TBC1D24: variants seen among roughly 807,000 people sequenced by gnomAD.
TBC1D24 encodes Infantile myoclonic epilepsy.
A neutral mutation model predicts 50.7 loss-of-function variants in TBC1D24; 47 were observed. The observed-to-expected ratio is 0.93, with a 90% CI of 0.73 to 1.18. The LOEUF is 1.18. Ranked by LOEUF, TBC1D24 falls within the 50% of genes most tolerant of loss-of-function variation. The pLI is 0.00. For missense variants in TBC1D24, 688 were observed against 766.5 expected (o/e 0.90, Z 1.21); for synonymous variants, 324 against 335.2 (o/e 0.97, Z 0.36).
At chr16:2,497,250 A>G in intron 2 of TBC1D24, 137 bp downstream of exon 2, 1 of 1,182,004 alleles carries the variant, frequency 8.5e-7, no homozygotes, top group Non-Finnish European at 1.2e-6. Flanking sequence ...ATGGCTGAAA[A>G]GACACTGAAA....
In TBC1D24 at chr16:2,496,446, C is replaced by T. The variant is rs1314068811; in HGVS notation, c.298C>T (p.Gln100Ter). 2 of 1,612,474 alleles carry T rather than the reference C, an allele frequency of 1.2e-6. No individual in the cohort carries two copies. Among genetic ancestry groups the T allele is most frequent in the Non-Finnish European group, 1.7e-6 (2 of 1,179,974 alleles). The change falls in exon 2 of 8, where the codon CAG becomes TAG. Residue 100 changes from glutamine to a stop codon, truncating the protein, a stop_gained. Coordinates refer to ENST00000646147, the MANE Select transcript of TBC1D24 (RefSeq NM_001199107.2). LOFTEE classifies it high-confidence loss of function. ...LPLPEFVDNT[Q>*]VPSYCLNARG... ...GCTGCCCGAGTTCGTGGACAACACG[C>T]AGGTGCCCAGCTACTGCCTGAATGC...
Position 2,503,533 on chromosome 16 carries a change from A to G in TBC1D24, c.*2575A>G, listed in dbSNP as rs1455815042. 1 of 149,476 alleles carries G rather than the reference A, an allele frequency of 6.7e-6. No homozygotes were observed. Among genetic ancestry groups the G allele is most frequent in the Non-Finnish European group, 1.5e-5 (1 of 67,534 alleles). The allele number at this position is 149,476 out of a possible 1,614,324, so 9.3% of individuals were successfully genotyped here. On this transcript the variant is annotated 3_prime_UTR_variant, in exon 8 of 8. Coordinates refer to ENST00000646147, the MANE Select transcript of TBC1D24 (RefSeq NM_001199107.2). ...TGTTGAAACTGCATAATAAATTATC[A>G]TTTGTTTTTAGAAACATTCAAAGAA...
rs2065618779 is a variant in TBC1D24 at position 2,482,698 on chromosome 16, G to T, written c.-116+7528G>T. 6.6e-6 allele frequency among the ~76,000 whole-genome samples: 1 copy of T among 152,196 alleles called. No individual in the cohort carries two copies. The highest frequency in any genetic ancestry group is 1.5e-5 in the Non-Finnish European group (1 of 68,034). ...TGGAGTCACATGGAGTGTGAATGTTGTGACTGTACCGGAGACACCTGGGAA... is the reference window on the plus strand; with the variant it reads ...TGGAGTCACATGGAGTGTGAATGTTTTGACTGTACCGGAGACACCTGGGAA... On this transcript the variant is annotated intron_variant, in intron 1 of 7. Transcript: ENST00000646147. The surrounding 1 kb of genome is among the most constrained non-coding windows in gnomAD (Gnocchi z 5.2).
intron 1 of TBC1D24, chr16:2,481,926 A>G (rs922231924): frequency 6.6e-6 from 1 of 152,244 alleles, no homozygotes; most frequent in African/African-American, 2.4e-5. Flanking sequence ...TGTGCCCTCC[A>G]TTGTGTGCCT....
intron 1 of TBC1D24, among the ~76,000 whole-genome samples, chr16:2,495,356 C>T (rs1270115542): frequency 6.6e-6 from 1 of 152,074 alleles, no homozygotes; most frequent in African/African-American, 2.4e-5. Context: ...TCAAACAAAA[C>T]AAAACAAGGC....
Position 2,500,285 on chromosome 16 carries a change from G to A in TBC1D24, c.1320G>A (p.Gln440=), listed in dbSNP as rs2065780492. The A allele has an allele frequency of 6.2e-7, 1 of 1,607,408 alleles. No homozygotes were observed. The highest frequency in any genetic ancestry group is 1.1e-5 in the South Asian group (1 of 89,728). The change falls in exon 7 of 8, where the codon CAG becomes CAA. Residue 440 remains glutamine, a synonymous_variant. Transcript: ENST00000646147. This position sits in a 1 kb window ranked among gnomAD's most constrained non-coding sequence, Gnocchi z 8.0. ...CACCCCAGCTGCAGCCTGAGGTGCA[G>A]CGCTACGAGTGGGTGGTGATCAAGC... is the stretch of plus-strand genomic sequence containing the variant. ...CFVFRLQPEV[Q]RYEWVVIKHP...
intron 3 of TBC1D24, 53 bp downstream of exon 3, chr16:2,497,780 A>C: frequency 6.6e-7 from 1 of 1,518,772 alleles, no homozygotes; most frequent in Non-Finnish European, 8.8e-7. Flanking sequence ...CACCAGGCTG[A>C]CTCTAGGCCA....
rs1193036452 is a variant in TBC1D24, at chr16:2,482,667, T to C, written c.-116+7497T>C. On this transcript the variant is annotated intron_variant, in intron 1 of 7. Coordinates refer to ENST00000646147, the MANE Select transcript of TBC1D24 (RefSeq NM_001199107.2). The surrounding 1 kb of genome is among the most constrained non-coding windows in gnomAD (Gnocchi z 5.2). The stretch of plus-strand genomic sequence containing the variant: ...CAGGAGGCTGGGAGTGGGAGCTGAA[T>C]TGCGCTGGAGTCACATGGAGTGTGA... Among the ~76,000 whole-genome samples, 1 of 151,944 alleles carries C rather than the reference T, an allele frequency of 6.6e-6. No homozygotes were observed. The highest frequency in any genetic ancestry group is 1.5e-5 in the Non-Finnish European group (1 of 67,976).
intron 4 of TBC1D24, among the ~76,000 whole-genome samples, 158 bp downstream of exon 4, chr16:2,498,554 C>G (rs1482377447): frequency 6.6e-6 from 1 of 152,232 alleles, no homozygotes; most frequent in African/African-American, 2.4e-5. Flanking sequence ...TCTGTCCTCC[C>G]CACACCACCC....
chr16:2,487,344 G>C lies in TBC1D24; in HGVS notation c.-115-8690G>C, dbSNP rs529809766. On this transcript the variant is annotated intron_variant, in intron 1 of 7. Transcript: ENST00000646147. This position sits in a 1 kb window ranked among gnomAD's most constrained non-coding sequence, Gnocchi z 4.1. Reference sequence around the variant, plus strand: ...TCTGTCATGTGACTAACTGCAGGACGAGGGAGCCGCGGTCGTATGCTGCCT... The same window carrying C: ...TCTGTCATGTGACTAACTGCAGGACCAGGGAGCCGCGGTCGTATGCTGCCT... Among the ~76,000 whole-genome samples, 1 of 152,258 alleles carries C rather than the reference G, an allele frequency of 6.6e-6. No homozygotes were observed. The highest frequency in any genetic ancestry group is 2.4e-5 in the African/African-American group (1 of 41,468).
rs1365250206 is a variant in TBC1D24 at position 2,505,408 on chromosome 16, T to G, written c.*4450T>G. 3 of 152,224 alleles carry G rather than the reference T, an allele frequency of 2.0e-5. No homozygotes were observed. Among genetic ancestry groups the G allele is most frequent in the African/African-American group, 7.2e-5 (3 of 41,452 alleles). The allele number at this position is 152,224 out of a possible 1,614,324, so 9.4% of individuals were successfully genotyped here. ...TACCGTGTCCTGTAGACATGTCACT[T>G]GTGATAAGGCACGGACAACATGAAC... On this transcript the variant is annotated 3_prime_UTR_variant, in exon 8 of 8. Transcript: ENST00000646147.
chr16:2,495,079 G>A (rs1375373146), intron 1 of TBC1D24, among the ~76,000 whole-genome samples: 1 of 151,894 alleles, frequency 6.6e-6, no homozygotes, highest in African/African-American at 2.4e-5. Context: ...CAGGCCAGGA[G>A]CACTGGCTCA....
Position 2,486,356 on chromosome 16 carries a change from A to G in TBC1D24, c.-115-9678A>G, listed in dbSNP as rs779926426. On this transcript the variant is annotated intron_variant, in intron 1 of 7. Coordinates refer to ENST00000646147, the MANE Select transcript of TBC1D24 (RefSeq NM_001199107.2). This position sits in a 1 kb window ranked among gnomAD's most constrained non-coding sequence, Gnocchi z 5.8. ...TCCCACTCCCAGGAAATGGTGAGGG[A>G]TTGCTCAGACCAGATGGGAAGAAGT... 1.0e-3 allele frequency among the ~76,000 whole-genome samples: 159 copies of G among 152,250 alleles called. No individual in the cohort carries two copies. The highest frequency in any genetic ancestry group is 1.4e-3 in the Non-Finnish European group (96 of 68,022).
At position 2,500,671 on chromosome 16, in the gene TBC1D24, G is replaced by A. The variant is rs753799188; in HGVS notation, c.1526-133G>A. On this transcript the variant is annotated intron_variant, in intron 7 of 7. Coordinates refer to ENST00000646147, the MANE Select transcript of TBC1D24 (RefSeq NM_001199107.2). The surrounding 1 kb of genome is among the most constrained non-coding windows in gnomAD (Gnocchi z 8.0). ...ACCAGCCTGGACAGCTGGTCCTGGG[G>A]GCTATGGAGGGTCAACGGTCTGTGC... The A allele has an allele frequency of 4.4e-6, 6 of 1,360,692 alleles. No individual in the cohort carries two copies. The highest frequency in any genetic ancestry group is 5.9e-6 in the Non-Finnish European group (6 of 1,010,414). The allele number at this position is 1,360,692 out of a possible 1,614,324, so 84.3% of individuals were successfully genotyped here.
In TBC1D24 at chr16:2,501,146, C is replaced by G; in HGVS notation, c.*188C>G. ...CTACCTGGGGTTTGGGCTGGGCTTC[C>G]CCAGTCCACCTGCATCTGGGTCAGA... On this transcript the variant is annotated 3_prime_UTR_variant, in exon 8 of 8. Transcript: ENST00000646147. 1.4e-6 allele frequency: 1 copy of G among 699,426 alleles called. No individual in the cohort carries two copies. The highest frequency in any genetic ancestry group is 2.4e-6 in the Non-Finnish European group (1 of 423,288). The allele number at this position is 699,426 out of a possible 1,614,324, so 43.3% of individuals were successfully genotyped here.
rs1485292654 is a variant in TBC1D24 at position 2,475,426 on chromosome 16, C to T, written c.-116+256C>T. On this transcript the variant is annotated intron_variant, in intron 1 of 7. Transcript: ENST00000646147. This position sits in a 1 kb window ranked among gnomAD's most constrained non-coding sequence, Gnocchi z 4.2. ...GACCCCCTGGGCGCGAGGCCCGATCCCCGCCCGGTCGCTGGCCCGCGGCCC... is the reference window on the plus strand; with the variant it reads ...GACCCCCTGGGCGCGAGGCCCGATCTCCGCCCGGTCGCTGGCCCGCGGCCC... Among the ~76,000 whole-genome samples, 4 of 151,942 alleles carry T rather than the reference C, an allele frequency of 2.6e-5. No homozygotes were observed. Among genetic ancestry groups the T allele is most frequent in the African/African-American group, 7.2e-5 (3 of 41,394 alleles).
intron 1 of TBC1D24, chr16:2,484,675 C>T (rs1018995205): frequency 4.6e-5 from 7 of 152,362 alleles, no homozygotes; most frequent in Non-Finnish European, 7.3e-5. Context: ...TCCAGTGGCT[C>T]TCTTCCGTCG....
chr16:2,497,522 T>A (rs1358743199), intron 2 of TBC1D24, among the ~76,000 whole-genome samples, 188 bp from the exon 3 acceptor site: 2 of 152,098 alleles, frequency 1.3e-5, no homozygotes, highest in African/African-American at 4.8e-5. Context: ...GGGTCAGGAG[T>A]TCATGGTGTC....
intron 1 of TBC1D24, chr16:2,478,258 G>A (rs2065584057): frequency 6.6e-6 from 1 of 152,300 alleles, no homozygotes; most frequent in Non-Finnish European, 1.5e-5. Context: ...GCAGGCTGCA[G>A]TGAGCTATGA....
Sources: gnomAD v4.1 joint callset for allele counts (sites outside exome capture counted in the v4.1 genomes callset) on GRCh38, gnomAD v4.1.1 for gene constraint, Gnocchi (gnomAD v3.1) non-coding constraint, MANE v1.5 for transcripts, NCBI Gene and HGNC (gene_info 2026-07-23, HGNC 2026-07-21) for gene names.